Variants in P2RX4 observed in about 807,000 individuals in gnomAD.
P2RX4 encodes purinergic receptor P2X 4, also known as P2X purinoceptor 4.
A neutral mutation model predicts 48.0 loss-of-function variants in P2RX4; 37 were observed. The ratio of observed to expected loss-of-function variants is 0.77; its 90% CI spans 0.59 to 1.01. The LOEUF (loss-of-function observed/expected upper bound fraction) is 1.01. Among genes scored for constraint, P2RX4 ranks in the 50% least tolerant of loss-of-function variants. P2RX4 has a pLI of 0.00. For missense variants in P2RX4, 501 were observed against 521.4 expected (o/e 0.96, Z 0.38); for synonymous variants, 200 against 199.7 (o/e 1.00, Z -0.01).
At position 121,217,259 on chromosome 12, in the gene P2RX4, C is replaced by T. The variant is rs200356284; in HGVS notation, c.260C>T (p.Ala87Val). 2.5e-5 allele frequency: 41 copies of T among 1,614,038 alleles called. No individual in the cohort carries two copies. Among genetic ancestry groups the T allele is most frequent in the African/African-American group, 9.3e-5 (7 of 74,918 alleles). ...SKLGFRIWDV[A>V]DYVIPAQEEN... is the part of the protein sequence containing the mutation. ...CTTGGATTCCGGATCTGGGATGTGGCGGATTATGTGATACCAGCTCAGGTG... is the reference window on the plus strand; with the variant it reads ...CTTGGATTCCGGATCTGGGATGTGGTGGATTATGTGATACCAGCTCAGGTG... Residue 87 changes from alanine (A) to valine (V), a missense_variant, in exon 2 of 12, where the codon GCG becomes GTG. This residue lies in a region of P2RX4 where 295 missense variants were observed against 275.3 expected (regional missense o/e 1.07). Transcript: ENST00000337233.
At chr12:121,231,241 G>A (rs766075237) in intron 8 of P2RX4, among the ~76,000 whole-genome samples, 14 of 151,856 alleles carry the variant, frequency 9.2e-5, no homozygotes, top group Admixed American at 1.3e-4. Flanking sequence ...CACCTGCCTC[G>A]GCCTCCCAAA....
chr12:121,210,291 G>C lies in P2RX4; in HGVS notation c.127G>C (p.Val43Leu), dbSNP rs374812149. 2.0e-5 allele frequency: 31 copies of C among 1,545,014 alleles called. No individual in the cohort carries two copies. The highest frequency in any genetic ancestry group is 2.6e-5 in the Non-Finnish European group (30 of 1,150,710). ...CGTGCAACTGCTCATCCTGGCCTACGTCATCGGGTGAGCGTGGGGCCGCGC... is the reference window on the plus strand; with the variant it reads ...CGTGCAACTGCTCATCCTGGCCTACCTCATCGGGTGAGCGTGGGGCCGCGC... ...RAVQLLILAYVIGWVFVWEKG... is the reference protein window; with the variant it reads ...RAVQLLILAYLIGWVFVWEKG... Residue 43 changes from valine to leucine, a missense_variant, in exon 1 of 12, where the codon GTC becomes CTC. Coordinates refer to ENST00000337233, the MANE Select transcript of P2RX4 (RefSeq NM_002560.3).
At chr12:121,223,113 TC>T in intron 5 of P2RX4, 70 bp downstream of exon 5, 1 of 1,007,332 alleles carries the variant, frequency 9.9e-7, no homozygotes, top group Non-Finnish European at 1.5e-6. Context: ...TCACTCTGTA[TC>T]CCAGGTTGGA....
intron 1 of P2RX4, chr12:121,214,355 G>A (rs933553272): frequency 2.0e-5 from 3 of 151,896 alleles, no homozygotes; most frequent in African/African-American, 7.3e-5. Flanking sequence ...ACTGACTCAG[G>A]ACCTGCATTA....
intron 5 of P2RX4, among the ~76,000 whole-genome samples, chr12:121,227,922 C>T (rs930146782): frequency 1.4e-5 from 1 of 71,622 alleles, no homozygotes; most frequent in Non-Finnish European, 3.0e-5. Flanking sequence ...TTCATGTCTA[C>T]AAAAAAAAAA....
intron 2 of P2RX4, among the ~76,000 whole-genome samples, chr12:121,221,166 TTGTGTGTGTGTGTGTG>T (rs71079040): frequency 9.9e-6 from 1 of 100,860 alleles, no homozygotes; most frequent in Non-Finnish European, 2.2e-5. Context: ...CTGTGTGTGT[TTGTGTGTGTGTGTGTG>T]TGTGTGTGTG....
chr12:121,212,824 A>ATATATTTTTTTT (rs370835501), intron 1 of P2RX4: 15 of 32,250 alleles, frequency 4.7e-4, no homozygotes, highest in East Asian at 1.1e-3. Flanking sequence ...ATATATATAT[A>ATATATTTTTTTT]TTTTTTTTTT....
At chr12:121,222,398 G>GTTTTTTTTTTTTTTTT in intron 4 of P2RX4, 7 of 425,532 alleles carry the variant, frequency 1.6e-5, no homozygotes, top group South Asian at 6.3e-5. Context: ...GTTTTTTCTT[G>GTTTTTTTTTTTTTTTT]TTTTTTTTTT....
Position 121,222,080 on chromosome 12 carries a change from C to T in P2RX4, c.355-14C>T, listed in dbSNP as rs772223164. 21 of 1,612,868 alleles carry T rather than the reference C, an allele frequency of 1.3e-5. No individual in the cohort carries two copies. Among genetic ancestry groups the T allele is most frequent in the Admixed American group, 8.3e-5 (5 of 60,010 alleles). On this transcript the variant is annotated splice_polypyrimidine_tract_variant and intron_variant, in intron 3 of 11. Coordinates refer to ENST00000337233, the MANE Select transcript of P2RX4 (RefSeq NM_002560.3). ...GGGCCACGTGGACTTTCTTTTCGCT[C>T]CTTCTTTTTCCAGATTCCAGATGCG...
Position 121,223,681 on chromosome 12 carries a change from A to G in P2RX4, c.524+638A>G, listed in dbSNP as rs57210735. Among the ~76,000 whole-genome samples the G allele has an allele frequency of 7.1e-3, 1,075 of 152,342 alleles. 14 individuals carry two copies. Among genetic ancestry groups the G allele is most frequent in the African/African-American group, 0.024 (1,012 of 41,588 alleles). On this transcript the variant is annotated intron_variant, in intron 5 of 11. Coordinates refer to ENST00000337233, the MANE Select transcript of P2RX4 (RefSeq NM_002560.3). ...TCAGTGCCTTAAGCACATGTGCACA[A>G]ACACATACACACATACACATGCGTG...
intron 1 of P2RX4, chr12:121,212,805 TATA>T (rs1885951049): frequency 3.1e-5 from 1 of 32,044 alleles, no homozygotes; most frequent in African/African-American, 1.4e-4. Flanking sequence ...TATATATATA[TATA>T]TATATATATA....
Position 121,210,154 on chromosome 12 carries a change from G to C in P2RX4, c.-11G>C. Reference sequence around the variant, plus strand: ...AGACCGACTAGGGGACTGGGAGCGGGCGGCGCGGCCATGGCGGGCTGCTGC... The same window carrying C: ...AGACCGACTAGGGGACTGGGAGCGGCCGGCGCGGCCATGGCGGGCTGCTGC... On this transcript the variant is annotated 5_prime_UTR_variant, in exon 1 of 12. Coordinates refer to ENST00000337233, the MANE Select transcript of P2RX4 (RefSeq NM_002560.3). The C allele has an allele frequency of 6.6e-7, 1 of 1,521,484 alleles. No homozygotes were observed. Among genetic ancestry groups the C allele is most frequent in the African/African-American group, 1.4e-5 (1 of 69,730 alleles). The allele number at this position is 1,521,484 out of a possible 1,614,324, so 94.2% of individuals were successfully genotyped here. A position where few individuals can be genotyped will look rare whatever the true frequency, so the allele number is the denominator to read the frequency against.
At chr12:121,223,217 G>C (rs1886760838) in intron 5 of P2RX4, 174 bp downstream of exon 5, 1 of 593,150 alleles carries the variant, frequency 1.7e-6, no homozygotes, top group Non-Finnish European at 3.0e-6. Flanking sequence ...TGAGATTATA[G>C]GCACCCACCA....
At chr12:121,212,818 ATATATAT>A (rs1885965040) in intron 1 of P2RX4, 1 of 31,798 alleles carries the variant, frequency 3.1e-5, no homozygotes, top group East Asian at 6.1e-4. Context: ...ATATATATAT[ATATATAT>A]TTTTTTTTTT....
intron 1 of P2RX4, among the ~76,000 whole-genome samples, chr12:121,211,978 T>C (rs1885892845): frequency 6.6e-6 from 1 of 152,186 alleles, no homozygotes; most frequent in African/African-American, 2.4e-5. Context: ...CCCAGACGCA[T>C]CCCCAGACCT....
At chr12:121,220,359 G>C (rs1886520592) in intron 2 of P2RX4, among the ~76,000 whole-genome samples, 1 of 151,976 alleles carries the variant, frequency 6.6e-6, no homozygotes, top group Non-Finnish European at 1.5e-5. Context: ...TTTTAAGTCG[G>C]GCACAGTGGC....
intron 8 of P2RX4, among the ~76,000 whole-genome samples, chr12:121,231,256 C>T (rs1292645236): frequency 1.3e-5 from 2 of 151,898 alleles, no homozygotes; most frequent in Admixed American, 6.6e-5. Flanking sequence ...CCCAAAGTGC[C>T]GGAATTACAG....
chr12:121,222,224 G>GCC, intron 4 of P2RX4, 58 bp downstream of exon 4: 3 of 1,149,380 alleles, frequency 2.6e-6, no homozygotes, highest in Middle Eastern at 1.9e-4. Flanking sequence ...CCCCACTGTG[G>GCC]AGCGTCTCTG....
intron 2 of P2RX4, among the ~76,000 whole-genome samples, chr12:121,219,377 C>T (rs1422597582): frequency 3.9e-5 from 6 of 152,206 alleles, no homozygotes; most frequent in Non-Finnish European, 7.3e-5. Context: ...ATGGCTCCCA[C>T]TACTGACTGT....
Sources: allele counts gnomAD v4.1 joint callset (sites outside exome capture counted in the v4.1 genomes callset), GRCh38; gene constraint gnomAD v4.1.1; regional missense constraint gnomAD v4.1.1; transcripts MANE v1.5; gene names NCBI Gene and HGNC (gene_info 2026-07-23, HGNC 2026-07-21).